Variants in FMNL2 observed in about 807,000 individuals in gnomAD.
FMNL2 encodes the protein formin like 2.
FMNL2 carries 51 observed loss-of-function variants against 130.2 expected under a neutral mutation model. That is an observed-to-expected ratio of 0.39 (90% CI 0.31 to 0.49). The LOEUF (loss-of-function observed/expected upper bound fraction) is 0.49. Among genes scored for constraint, FMNL2 ranks in the 20% least tolerant of loss-of-function variants. FMNL2 has a pLI of 0.85. For synonymous variants in FMNL2, 465 were observed against 467.1 expected, an observed-to-expected ratio of 1.00 and a Z score of 0.06; for missense variants, 977 against 1,316.2, an observed-to-expected ratio of 0.74 and a Z score of 3.99.
chr2:152,612,356 C>G (rs1299474388), intron 11 of FMNL2, among the ~76,000 whole-genome samples: 1 of 152,068 alleles, frequency 6.6e-6, no homozygotes, highest in Non-Finnish European at 1.5e-5. Context: ...CCCATCTATA[C>G]AAAACACCAA....
intron 9 of FMNL2, among the ~76,000 whole-genome samples, chr2:152,604,798 G>A: frequency 6.6e-6 from 1 of 152,030 alleles, no homozygotes; most frequent in African/African-American, 2.4e-5. Flanking sequence ...GTTTTACCAT[G>A]TTGGCCAGGC....
intron 1 of FMNL2, among the ~76,000 whole-genome samples, chr2:152,338,519 G>A (rs1017567256): frequency 6.6e-6 from 1 of 152,000 alleles, no homozygotes; most frequent in African/African-American, 2.4e-5. Context: ...GGGTTAAATT[G>A]TGCGAATATA....
rs986738600 is a variant in FMNL2 at position 152,630,050 on chromosome 2, A to G, written c.2550+145A>G. ...CTAATTTTCTGGAACACCATTTGAC[A>G]GAGAGCACATAGAACCTATAATTAC... On this transcript the variant is annotated intron_variant, in intron 20 of 25. Transcript: ENST00000288670. The G allele has an allele frequency of 4.7e-5, 33 of 698,282 alleles. No individual in the cohort carries two copies. In the South Asian group the frequency reaches 6.6e-4, roughly 14 times the overall value. The allele number at this position is 698,282 out of a possible 1,614,324, so 43.3% of individuals were successfully genotyped here.
chr2:152,381,923 G>A (rs1684492712), intron 1 of FMNL2, among the ~76,000 whole-genome samples: 1 of 151,738 alleles, frequency 6.6e-6, no homozygotes, highest in Non-Finnish European at 1.5e-5. Flanking sequence ...TCAGCCTCCT[G>A]AGGAGGCTGG....
At chr2:152,434,215 G>C (rs1687632343) in intron 1 of FMNL2, among the ~76,000 whole-genome samples, 2 of 152,226 alleles carry the variant, frequency 1.3e-5, no homozygotes, top group South Asian at 4.1e-4. Context: ...GGGAGTCAGA[G>C]AGACAAGTTT....
chr2:152,406,177 T>A (rs1416149279), intron 1 of FMNL2, among the ~76,000 whole-genome samples: 1 of 152,206 alleles, frequency 6.6e-6, no homozygotes. Flanking sequence ...AGAGAATGTC[T>A]GCAATGTGGT....
intron 9 of FMNL2, among the ~76,000 whole-genome samples, chr2:152,601,819 G>A (rs915351138): frequency 2.6e-5 from 4 of 151,608 alleles, no homozygotes; most frequent in Non-Finnish European, 5.9e-5. Flanking sequence ...ACAGGCGCCC[G>A]CCACCATGCC....
At chr2:152,403,796 A>T (rs1685836259) in intron 1 of FMNL2, among the ~76,000 whole-genome samples, 1 of 152,206 alleles carries the variant, frequency 6.6e-6, no homozygotes, top group Non-Finnish European at 1.5e-5. Context: ...AGGGCCGGGC[A>T]CAGTGGCTCA....
chr2:152,427,127 C>T (rs1298711853), intron 1 of FMNL2, among the ~76,000 whole-genome samples: 1 of 152,198 alleles, frequency 6.6e-6, no homozygotes, highest in African/African-American at 2.4e-5. Flanking sequence ...GGAAATCATT[C>T]TGATTAGGTC....
chr2:152,508,857 ATC>A (rs1692329381), intron 1 of FMNL2, among the ~76,000 whole-genome samples: 2 of 151,528 alleles, frequency 1.3e-5, no homozygotes, highest in African/African-American at 4.9e-5. Context: ...GCCCATTTTC[ATC>A]TCTGTCTTGC....
rs779575602 is a variant in FMNL2 at position 152,542,828 on chromosome 2, G to T, written c.282+9G>T. ...CAGCTGTAACCAGGAAGGTAAGATG[G>T]ATTTGTTTCCACTCTTTGTTATTGC... On this transcript the variant is annotated intron_variant, in intron 3 of 25. Transcript: ENST00000288670. The T allele has an allele frequency of 1.1e-5, 17 of 1,613,388 alleles. No individual in the cohort carries two copies. In the African/African-American group the frequency reaches 1.9e-4, roughly 18 times the overall value.
intron 1 of FMNL2, among the ~76,000 whole-genome samples, chr2:152,491,472 T>C (rs981085452): frequency 6.6e-6 from 1 of 152,210 alleles, no homozygotes; most frequent in Non-Finnish European, 1.5e-5. Context: ...AATTGTTGGC[T>C]GGGTCTCTGG....
intron 1 of FMNL2, among the ~76,000 whole-genome samples, chr2:152,337,185 C>A (rs553677979): frequency 6.6e-6 from 1 of 152,162 alleles, no homozygotes; most frequent in Admixed American, 6.5e-5. Flanking sequence ...GCTGCTCCCA[C>A]CGTTGTGCAA....
At chr2:152,410,565 A>G (rs2105997626) in intron 1 of FMNL2, among the ~76,000 whole-genome samples, 1 of 152,216 alleles carries the variant, frequency 6.6e-6, no homozygotes, top group Non-Finnish European at 1.5e-5. Context: ...CCAATTTCTC[A>G]CTGACTCAGG....
intron 1 of FMNL2, among the ~76,000 whole-genome samples, chr2:152,435,720 AT>A (rs1383125167): frequency 6.6e-6 from 1 of 152,238 alleles, no homozygotes. Flanking sequence ...ATTGACAGAT[AT>A]AGCTAGTTGA....
chr2:152,624,479 T>C (rs1046517858), intron 15 of FMNL2, among the ~76,000 whole-genome samples: 5 of 149,180 alleles, frequency 3.4e-5, no homozygotes, highest in African/African-American at 1.2e-4. Flanking sequence ...CCCGCCCCTT[T>C]TATTTATTTA....
At chr2:152,464,893 T>G (rs1328871977) in intron 1 of FMNL2, among the ~76,000 whole-genome samples, 1 of 152,178 alleles carries the variant, frequency 6.6e-6, no homozygotes, top group Non-Finnish European at 1.5e-5. Context: ...CTAATCTCTG[T>G]CCTCAGGAAT....
chr2:152,386,662 CATT>C (rs1684800135), intron 1 of FMNL2, among the ~76,000 whole-genome samples: 1 of 143,538 alleles, frequency 7.0e-6, no homozygotes, highest in African/African-American at 2.6e-5. Flanking sequence ...TTCAGCAATT[CATT>C]GTCTGTCTGA....
chr2:152,441,528 A>G (rs775744513), intron 1 of FMNL2, among the ~76,000 whole-genome samples: 8 of 146,048 alleles, frequency 5.5e-5, no homozygotes, highest in Non-Finnish European at 1.2e-4. Context: ...ACAGAGCAAG[A>G]CCCTGTCTTA....
Sources: allele counts gnomAD v4.1 joint callset (sites outside exome capture counted in the v4.1 genomes callset), GRCh38; gene constraint gnomAD v4.1.1; transcripts MANE v1.5; gene names NCBI Gene and HGNC (gene_info 2026-07-23, HGNC 2026-07-21).